Variants in OSBPL5 observed in about 807,000 individuals in gnomAD.
OSBPL5 encodes the protein oxysterol-binding protein-related protein 5.
OSBPL5 carries 71 observed loss-of-function variants against 111.2 expected under a neutral mutation model. The observed-to-expected ratio is 0.64, with a 90% CI of 0.53 to 0.78. The LOEUF is 0.78. Ranked by LOEUF, OSBPL5 falls within the 30% of genes least tolerant of loss-of-function variation. The pLI is 0.00. For missense variants in OSBPL5, 1,210 were observed against 1,189.3 expected (o/e 1.02, Z -0.26); for synonymous variants, 549 against 513.9 (o/e 1.07, Z -0.93).
chr11:3,145,138 G>A (rs1042911957), intron 1 of OSBPL5, among the ~76,000 whole-genome samples: 16 of 152,308 alleles, frequency 1.1e-4, no homozygotes, highest in South Asian at 2.1e-4. Flanking sequence ...CGCTCTCTGC[G>A]TGCACCTGGG....
chr11:3,123,381 G>A (rs1224441408), intron 3 of OSBPL5, among the ~76,000 whole-genome samples: 1 of 152,252 alleles, frequency 6.6e-6, no homozygotes, highest in African/African-American at 2.4e-5. Flanking sequence ...AATAATTTGT[G>A]AGATGTGAAA....
chr11:3,097,591 C>T (rs1045321760), intron 14 of OSBPL5, among the ~76,000 whole-genome samples: 3 of 152,178 alleles, frequency 2.0e-5, no homozygotes, highest in Non-Finnish European at 2.9e-5. Flanking sequence ...TACAGCCATT[C>T]TTTGAATAAT....
chr11:3,103,468 C>T (rs1857527290), intron 10 of OSBPL5, 148 bp from the exon 11 acceptor site: 2 of 665,484 alleles, frequency 3.0e-6, no homozygotes, highest in Middle Eastern at 4.1e-4. Context: ...CACCCCCAAG[C>T]AGGATAATTT....
At chr11:3,098,839 C>T (rs1227820186) in intron 14 of OSBPL5, among the ~76,000 whole-genome samples, 4 of 148,490 alleles carry the variant, frequency 2.7e-5, no homozygotes, top group Non-Finnish European at 4.5e-5. Context: ...TGGGATCTCA[C>T]GCCAGCCCAG....
At chr11:3,153,563 G>A (rs917831073) in intron 1 of OSBPL5, among the ~76,000 whole-genome samples, 5 of 152,164 alleles carry the variant, frequency 3.3e-5, no homozygotes, top group Middle Eastern at 3.2e-3. Flanking sequence ...CAGCACCGTC[G>A]CTAGGGCTGA....
intron 1 of OSBPL5, among the ~76,000 whole-genome samples, chr11:3,155,918 C>T (rs990770896): frequency 3.3e-5 from 5 of 152,258 alleles, no homozygotes; most frequent in African/African-American, 1.2e-4. Context: ...CCCCACCCTT[C>T]CCAGGCCCTC....
At position 3,092,930 on chromosome 11, in the gene OSBPL5, G is replaced by A; in HGVS notation, c.2069C>T (p.Pro690Leu). Reference protein sequence around the residue: ...RARERQESLMPWKPQLFHLDP... With the variant: ...RARERQESLMLWKPQLFHLDP... ...CAGGTGGAACAGCTGCGGCTTCCAGGGCATGAGGCTCTCCTGCCGCTCACG... is the reference window on the plus strand; with the variant it reads ...CAGGTGGAACAGCTGCGGCTTCCAGAGCATGAGGCTCTCCTGCCGCTCACG... Residue 690 changes from proline to leucine, a missense_variant, in exon 18 of 22, where the codon CCC (proline) becomes CTC (leucine). Transcript: ENST00000263650. The surrounding 1 kb of genome is among the most constrained non-coding windows in gnomAD (Gnocchi z 5.4). The A allele has an allele frequency of 1.9e-6, 3 of 1,574,494 alleles. No homozygotes were observed. The highest frequency in any genetic ancestry group is 2.6e-6 in the Non-Finnish European group (3 of 1,160,610).
intron 1 of OSBPL5, among the ~76,000 whole-genome samples, chr11:3,150,781 C>T (rs1287757272): frequency 2.6e-5 from 4 of 152,198 alleles, no homozygotes; most frequent in Non-Finnish European, 5.9e-5. Context: ...GAAAAACCCC[C>T]TGCTCCCTAG....
At chr11:3,160,505 C>G (rs1435089295) in intron 1 of OSBPL5, among the ~76,000 whole-genome samples, 1 of 152,224 alleles carries the variant, frequency 6.6e-6, no homozygotes, top group Non-Finnish European at 1.5e-5. Context: ...GCGAATGGGA[C>G]CCACAGCGGC....
Position 3,093,542 on chromosome 11 carries a change from T to C in OSBPL5, c.1931A>G (p.Glu644Gly), listed in dbSNP as rs148408625. Residue 644 changes from glutamate (E) to glycine (G), a missense_variant, in exon 17 of 22, where the codon GAG (glutamate) becomes GGG (glycine). Physicochemically the swap from Glu to Gly is moderately conservative, Grantham distance 98. Coordinates refer to ENST00000263650, the MANE Select transcript of OSBPL5 (RefSeq NM_020896.4). Reference protein sequence around the residue: ...QHTVPLEEQTELESERLWQHV... With the variant: ...QHTVPLEEQTGLESERLWQHV... Reference sequence around the variant, plus strand: ...CAGGCCTCACCTCTCGGACTCCAGCTCCGTCTGCTCCTCCAGCGGCACCGT... The same window carrying C: ...CAGGCCTCACCTCTCGGACTCCAGCCCCGTCTGCTCCTCCAGCGGCACCGT... 6.6e-5 allele frequency: 106 copies of C among 1,610,066 alleles called. No individual in the cohort carries two copies. The African/African-American group carries it at 1.3e-3, about 20-fold the overall frequency.
chr11:3,137,475 G>A (rs541008388), intron 1 of OSBPL5, among the ~76,000 whole-genome samples: 5 of 152,310 alleles, frequency 3.3e-5, no homozygotes, highest in South Asian at 4.1e-4. Context: ...CGCAAGGTGC[G>A]GGGAGCAGGG....
At position 3,092,917 on chromosome 11, in the gene OSBPL5, C is replaced by A. The variant is rs766527329; in HGVS notation, c.2082G>T (p.Gln694His). The change falls in exon 18 of 22, where the codon CAG becomes CAT. Residue 694 changes from glutamine to histidine, a missense_variant. Coordinates refer to ENST00000263650, the MANE Select transcript of OSBPL5 (RefSeq NM_020896.4). The surrounding 1 kb of genome is among the most constrained non-coding windows in gnomAD (Gnocchi z 5.4). ...RQESLMPWKP[Q>H]LFHLDPITQE... ...GGGTGATGGGGTCCAGGTGGAACAGCTGCGGCTTCCAGGGCATGAGGCTCT... is the reference window on the plus strand; with the variant it reads ...GGGTGATGGGGTCCAGGTGGAACAGATGCGGCTTCCAGGGCATGAGGCTCT... 3 of 1,567,036 alleles carry A rather than the reference C, an allele frequency of 1.9e-6. No individual in the cohort carries two copies. In the South Asian group the frequency reaches 3.5e-5, roughly 18 times the overall value.
chr11:3,126,798 G>A lies in OSBPL5; in HGVS notation c.137-243C>T, dbSNP rs941867490. Among the ~76,000 whole-genome samples the A allele has an allele frequency of 5.3e-5, 8 of 152,226 alleles. No individual in the cohort carries two copies. Among genetic ancestry groups the A allele is most frequent in the African/African-American group, 1.9e-4 (8 of 41,466 alleles). On this transcript the variant is annotated intron_variant, in intron 2 of 21. Transcript: ENST00000263650. This position sits in a 1 kb window ranked among gnomAD's most constrained non-coding sequence, Gnocchi z 6.5. ...GGCCTCCAGGACCTACAGGGAGGAA[G>A]CTGGGACAGGAGCTGGTAGGAACCG...
chr11:3,112,190 C>G (rs1455987481), intron 7 of OSBPL5, among the ~76,000 whole-genome samples: 1 of 152,070 alleles, frequency 6.6e-6, no homozygotes, highest in Non-Finnish European at 1.5e-5. Flanking sequence ...CTCCTAGGAC[C>G]TTGTCTTTTT....
rs1478703107 is a variant in OSBPL5 at position 3,121,880 on chromosome 11, G to A, written c.402+117C>T. 12 of 862,550 alleles carry A rather than the reference G, an allele frequency of 1.4e-5. No homozygotes were observed. Among genetic ancestry groups the A allele is most frequent in the East Asian group, 5.3e-5 (2 of 37,468 alleles). 53.4% of individuals were successfully genotyped at this position (862,550 alleles called of 1,614,324 possible). ...AAGGAGCAGAGGCTGCAGTGATAAC[G>A]GCTAGATGCAGGGAAGTGAATTTCC... On this transcript the variant is annotated intron_variant, in intron 5 of 21. Transcript: ENST00000263650. This position sits in a 1 kb window ranked among gnomAD's most constrained non-coding sequence, Gnocchi z 4.3.
At chr11:3,134,148 C>T (rs1845888587) in intron 1 of OSBPL5, among the ~76,000 whole-genome samples, 1 of 152,232 alleles carries the variant, frequency 6.6e-6, no homozygotes, top group African/African-American at 2.4e-5. Flanking sequence ...TCTTCTGCAG[C>T]TTCCATTCCT....
intron 2 of OSBPL5, among the ~76,000 whole-genome samples, chr11:3,127,558 C>G (rs769091637): frequency 3.3e-5 from 5 of 152,322 alleles, no homozygotes; most frequent in East Asian, 1.9e-4. Context: ...GCTGCTCCCC[C>G]ACCTGGGAGC....
At chr11:3,131,630 TCCAC>T (rs1845787348) in intron 1 of OSBPL5, among the ~76,000 whole-genome samples, 3 of 141,118 alleles carry the variant, frequency 2.1e-5, no homozygotes, top group South Asian at 2.5e-4. Context: ...TGTCTATTCA[TCCAC>T]CCGTCTATTC....
Position 3,107,315 on chromosome 11 carries a change from G to A in OSBPL5, c.1007C>T (p.Pro336Leu), listed in dbSNP as rs373988366. The A allele has an allele frequency of 3.2e-5, 51 of 1,613,668 alleles. No homozygotes were observed. Among genetic ancestry groups the A allele is most frequent in the African/African-American group, 2.8e-4 (21 of 74,982 alleles). ...CACATAGGTGGTCCCTCTCCGCACC[G>A]GGGCCCCAGGGGTCTCTGACTGGTC... The part of the protein sequence containing the change: ...GSDQSETPGA[P>L]VRRGTTYVEQ... The change falls in exon 9 of 22, where the codon CCG becomes CTG. Residue 336 changes from proline to leucine, a missense_variant. Pro to Leu is a moderately conservative substitution (Grantham distance 98). Transcript: ENST00000263650. The surrounding 1 kb of genome is among the most constrained non-coding windows in gnomAD (Gnocchi z 6.1).
Sources: gnomAD v4.1 joint callset for allele counts (sites outside exome capture counted in the v4.1 genomes callset) on GRCh38, gnomAD v4.1.1 for gene constraint, Gnocchi (gnomAD v3.1) non-coding constraint, MANE v1.5 for transcripts, NCBI Gene and HGNC (gene_info 2026-07-23, HGNC 2026-07-21) for gene names.